Variants in KCNH7 observed in about 807,000 individuals in gnomAD.
KCNH7 encodes potassium voltage-gated channel subfamily H member 7.
KCNH7 carries 49 observed loss-of-function variants against 120.8 expected under a neutral mutation model. That is an observed-to-expected ratio of 0.41 (90% confidence interval 0.32 to 0.51). The LOEUF (loss-of-function observed/expected upper bound fraction) is 0.51, where lower values mean the gene tolerates loss of function less well. Among genes scored for constraint, KCNH7 ranks in the 20% least tolerant of loss-of-function variants. The pLI, the probability that KCNH7 is intolerant of heterozygous loss-of-function variation, is 0.38. For missense variants in KCNH7, 1,097 were observed against 1,446.6 expected (o/e 0.76, Z 3.92); for synonymous variants, 547 against 516.1 (o/e 1.06, Z -0.81).
intron 2 of KCNH7, among the ~76,000 whole-genome samples, chr2:162,754,688 G>A (rs1308858386): frequency 6.6e-6 from 1 of 152,148 alleles, no homozygotes; most frequent in Non-Finnish European, 1.5e-5. Flanking sequence ...AGATTTAAGA[G>A]ATGGATTTTA....
chr2:162,479,090 C>T (rs1257598774), intron 6 of KCNH7, among the ~76,000 whole-genome samples: 2 of 150,308 alleles, frequency 1.3e-5, no homozygotes, highest in African/African-American at 4.9e-5. Context: ...GTGGGAATGA[C>T]TCAATTATTG....
chr2:162,778,309 T>A (rs960821816), intron 2 of KCNH7, among the ~76,000 whole-genome samples: 8 of 152,160 alleles, frequency 5.3e-5, no homozygotes, highest in Non-Finnish European at 1.2e-4. Context: ...AGGTTAAGGA[T>A]TTTTACCTGT....
At chr2:162,636,889 A>G (rs1683980762) in intron 2 of KCNH7, among the ~76,000 whole-genome samples, 1 of 152,078 alleles carries the variant, frequency 6.6e-6, no homozygotes, top group Non-Finnish European at 1.5e-5. Context: ...TTACAGTTTT[A>G]CTGTCAACAC....
intron 6 of KCNH7, among the ~76,000 whole-genome samples, chr2:162,484,484 T>C (rs767944779): frequency 3.3e-5 from 5 of 152,076 alleles, no homozygotes; most frequent in Non-Finnish European, 5.9e-5. Context: ...ATTGCTACAA[T>C]AATAATGTGG....
rs551480478 is a variant in KCNH7 at position 162,497,746 on chromosome 2, A to T, written c.1128+6697T>A. On this transcript the variant is annotated intron_variant, in intron 6 of 15. Transcript: ENST00000332142. ...TCTTCTCTATGAAATGCATATGGAT[A>T]ATAACGGCACAATCTCACAGTGCTG... Among the ~76,000 whole-genome samples the T allele has an allele frequency of 9.0e-4, 137 of 152,320 alleles. 1 individual carries two copies. The highest frequency in any genetic ancestry group is 3.1e-3 in the African/African-American group (127 of 41,580).
intron 12 of KCNH7, among the ~76,000 whole-genome samples, chr2:162,390,775 G>T (rs1378496037): frequency 1.3e-5 from 2 of 151,944 alleles, no homozygotes; most frequent in African/African-American, 4.8e-5. Flanking sequence ...AGTCTCTCCT[G>T]TAGGGAAGTG....
intron 2 of KCNH7, among the ~76,000 whole-genome samples, chr2:162,580,099 C>G (rs1693821309): frequency 6.6e-6 from 1 of 151,970 alleles, no homozygotes; most frequent in South Asian, 2.1e-4. Context: ...GAGAATGCAA[C>G]TCTATGACCT....
At chr2:162,526,122 T>C (rs1359065844) in intron 3 of KCNH7, among the ~76,000 whole-genome samples, 1 of 151,836 alleles carries the variant, frequency 6.6e-6, no homozygotes, top group Non-Finnish European at 1.5e-5. Flanking sequence ...GCAGGTTCCG[T>C]GATGCCCCCT....
intron 2 of KCNH7, among the ~76,000 whole-genome samples, chr2:162,612,895 T>C (rs556215957): frequency 6.6e-6 from 1 of 152,118 alleles, no homozygotes; most frequent in South Asian, 2.1e-4. Context: ...AAAGGATCAC[T>C]AATAAATTAC....
intron 2 of KCNH7, among the ~76,000 whole-genome samples, chr2:162,751,668 T>C (rs1249330111): frequency 6.6e-6 from 1 of 152,002 alleles, no homozygotes; most frequent in East Asian, 1.9e-4. Context: ...GGTTTATAAG[T>C]TGATCATTTA....
chr2:162,486,638 T>A (rs7572827), intron 6 of KCNH7, among the ~76,000 whole-genome samples: 2 of 152,188 alleles, frequency 1.3e-5, no homozygotes, highest in Admixed American at 6.5e-5. Flanking sequence ...TTACCCCATG[T>A]CTATCTCAAG....
chr2:162,729,785 T>G (rs1232488186), intron 2 of KCNH7, among the ~76,000 whole-genome samples: 2 of 152,148 alleles, frequency 1.3e-5, no homozygotes, highest in East Asian at 3.8e-4. Context: ...TCCTAAAGTT[T>G]GAGAAAATAC....
intron 12 of KCNH7, among the ~76,000 whole-genome samples, chr2:162,386,004 G>A (rs1336937819): frequency 1.3e-5 from 2 of 151,822 alleles, no homozygotes; most frequent in African/African-American, 4.8e-5. Flanking sequence ...AAAAATCAGT[G>A]TTATGCGAAA....
chr2:162,472,668 G>T (rs1167531723), intron 6 of KCNH7, among the ~76,000 whole-genome samples: 1 of 152,208 alleles, frequency 6.6e-6, no homozygotes, highest in African/African-American at 2.4e-5. Flanking sequence ...AACCATTGTG[G>T]CAGTCGGTGT....
intron 3 of KCNH7, among the ~76,000 whole-genome samples, chr2:162,531,006 C>T (rs1397715937): frequency 6.6e-6 from 1 of 151,794 alleles, no homozygotes; most frequent in African/African-American, 2.4e-5. Context: ...TAATCAAAAC[C>T]GATATACAGG....
At chr2:162,777,727 G>C (rs1683298981) in intron 2 of KCNH7, among the ~76,000 whole-genome samples, 1 of 152,072 alleles carries the variant, frequency 6.6e-6, no homozygotes, top group African/African-American at 2.4e-5. Context: ...CTTACCAACA[G>C]CCTTATGGCA....
intron 2 of KCNH7, among the ~76,000 whole-genome samples, chr2:162,652,478 A>G (rs1684601079): frequency 6.6e-6 from 1 of 152,118 alleles, no homozygotes; most frequent in Non-Finnish European, 1.5e-5. Flanking sequence ...AAACTGTTCC[A>G]CCTCAGATCA....
chr2:162,504,151 A>C (rs1690784516), intron 6 of KCNH7, among the ~76,000 whole-genome samples: 1 of 152,070 alleles, frequency 6.6e-6, no homozygotes, highest in African/African-American at 2.4e-5. Context: ...GTTGGCAGCC[A>C]AACACTAAGT....
At chr2:162,709,167 G>A (rs1222749915) in intron 2 of KCNH7, among the ~76,000 whole-genome samples, 7 of 151,984 alleles carry the variant, frequency 4.6e-5, no homozygotes, top group East Asian at 1.9e-4. Flanking sequence ...TAGGTTTATC[G>A]TGATAATTAA....
Sources: gnomAD v4.1 joint callset for allele counts (sites outside exome capture counted in the v4.1 genomes callset) on GRCh38, gnomAD v4.1.1 for gene constraint, MANE v1.5 for transcripts, NCBI Gene and HGNC (gene_info 2026-07-23, HGNC 2026-07-21) for gene names.